Variants in GMEB1 observed in about 807,000 individuals in gnomAD.
GMEB1 encodes glucocorticoid modulatory element binding protein 1.
Under a neutral mutation model 52.4 loss-of-function variants are expected in GMEB1, and 6 were observed. The ratio of observed to expected loss-of-function variants is 0.11; its 90% CI spans 0.06 to 0.23. GMEB1 has a LOEUF of 0.23. Among genes scored for constraint, GMEB1 ranks in the 10% least tolerant of loss-of-function variants. GMEB1 has a pLI of 1.00. For missense variants in GMEB1, 486 were observed against 685.6 expected, an observed-to-expected ratio of 0.71 and a Z score of 3.25; for synonymous variants, 255 against 244.9, an observed-to-expected ratio of 1.04 and a Z score of -0.38.
At chr1:28,710,860 T>G (rs1483666046) in intron 9 of GMEB1, among the ~76,000 whole-genome samples, 1 of 152,064 alleles carries the variant, frequency 6.6e-6, no homozygotes, top group Non-Finnish European at 1.5e-5. Flanking sequence ...GTCCCCCTTC[T>G]GTGTCTTGTG....
chr1:28,678,890 G>GT lies in GMEB1; in HGVS notation c.-30-4685dup, dbSNP rs1260099234. Among the ~76,000 whole-genome samples the GT allele has an allele frequency of 4.0e-5, 6 of 150,822 alleles. No individual in the cohort carries two copies. The East Asian group carries it at 6.0e-4, about 15-fold the overall frequency. On this transcript the variant is annotated intron_variant, in intron 1 of 9. Transcript: ENST00000373816. ...CACGGTGCCTGGCCCTTTTCTAGTT[G>GT]TTTTTTTTGTTTGTTTGTTTTGTTT...
chr1:28,690,425 G>T (rs1332831054), intron 3 of GMEB1, among the ~76,000 whole-genome samples: 1 of 151,982 alleles, frequency 6.6e-6, no homozygotes, highest in Non-Finnish European at 1.5e-5. Flanking sequence ...TAACTGAAAA[G>T]ACTTTTTGTC....
Position 28,714,218 on chromosome 1 carries a change from T to A in GMEB1, c.1137T>A (p.Thr379=). Residue 379 remains threonine (T), a synonymous_variant, in exon 10 of 10, where the codon ACT becomes ACA. Transcript: ENST00000373816. ...RPRLQRPAST[T]VLSPSPPVQQ... Reference sequence around the variant, plus strand: ...GGCTCCAGCGGCCAGCCTCCACCACTGTCTTGAGCCCTTCTCCTCCTGTCC... The same window carrying A: ...GGCTCCAGCGGCCAGCCTCCACCACAGTCTTGAGCCCTTCTCCTCCTGTCC... 5.0e-6 allele frequency: 8 copies of A among 1,614,192 alleles called. No individual in the cohort carries two copies. The highest frequency in any genetic ancestry group is 6.8e-6 in the Non-Finnish European group (8 of 1,180,032).
chr1:28,707,717 T>C (rs1670847353), intron 8 of GMEB1, among the ~76,000 whole-genome samples: 1 of 152,058 alleles, frequency 6.6e-6, no homozygotes, highest in Admixed American at 6.6e-5. Context: ...AATAGAGATG[T>C]CACTCATCTA....
intron 1 of GMEB1, among the ~76,000 whole-genome samples, chr1:28,678,411 G>T (rs546954114): frequency 6.6e-6 from 1 of 151,032 alleles, no homozygotes; most frequent in Non-Finnish European, 1.5e-5. Context: ...TCTGGGGTTC[G>T]CCATTCTCCT....
At chr1:28,696,801 A>G in intron 5 of GMEB1, 126 bp from the exon 6 acceptor site, 1 of 653,528 alleles carries the variant, frequency 1.5e-6, no homozygotes, top group East Asian at 3.0e-5. Context: ...AATGACTTCT[A>G]ACACTATTAG....
intron 2 of GMEB1, among the ~76,000 whole-genome samples, chr1:28,687,536 G>A (rs572886732): frequency 6.6e-6 from 1 of 152,220 alleles, no homozygotes; most frequent in Non-Finnish European, 1.5e-5. Flanking sequence ...ATTGAAACCA[G>A]GGGCCAGATC....
intron 1 of GMEB1, among the ~76,000 whole-genome samples, chr1:28,677,598 A>G (rs1463106433): frequency 6.6e-6 from 1 of 152,236 alleles, no homozygotes; most frequent in African/African-American, 2.4e-5. Context: ...TAAATGTGTT[A>G]TAGCACGGTG....
chr1:28,693,342 C>T (rs1670050248), intron 5 of GMEB1, among the ~76,000 whole-genome samples: 2 of 147,188 alleles, frequency 1.4e-5, no homozygotes. Context: ...CTCAGCCTCC[C>T]GAGTAGCTGG....
At position 28,714,248 on chromosome 1, in the gene GMEB1, G is replaced by A. The variant is rs779840993; in HGVS notation, c.1167G>A (p.Gln389=). The stretch of plus-strand genomic sequence containing the variant: ...TGAGCCCTTCTCCTCCTGTCCAGCA[G>A]CCTCAGTTCACAGTCATCTCACCCA... ...TVLSPSPPVQ[Q]PQFTVISPIT... is the part of the protein sequence containing the mutation. Residue 389 remains glutamine, a synonymous_variant, in exon 10 of 10, where the codon CAG becomes CAA. Transcript: ENST00000373816. 24 of 1,614,036 alleles carry A rather than the reference G, an allele frequency of 1.5e-5. No homozygotes were observed. The highest frequency in any genetic ancestry group is 2.0e-5 in the Non-Finnish European group (24 of 1,180,020).
intron 2 of GMEB1, among the ~76,000 whole-genome samples, chr1:28,687,922 G>A (rs115405394): frequency 2.8e-4 from 42 of 152,134 alleles, no homozygotes; most frequent in Non-Finnish European, 5.1e-4. Context: ...TTTGAGGGTG[G>A]GTGGGAAAAG....
At chr1:28,705,649 C>T (rs1010305595) in intron 8 of GMEB1, among the ~76,000 whole-genome samples, 3 of 150,436 alleles carry the variant, frequency 2.0e-5, no homozygotes, top group Non-Finnish European at 4.4e-5. Context: ...TGAGGTTTCA[C>T]CATGTTGGCC....
At position 28,687,387 on chromosome 1, in the gene GMEB1, C is replaced by CACACACAA. The variant is rs1553136455; in HGVS notation, c.129-2716_129-2715insCACACAAA. Among the ~76,000 whole-genome samples, 4 of 41,130 alleles carry CACACACAA rather than the reference C, an allele frequency of 9.7e-5. 1 individual carries two copies. The highest frequency in any genetic ancestry group is 2.9e-4 in the African/African-American group (3 of 10,458). The allele number at this position is 41,130 out of a possible 152,430, so 27.0% of individuals were successfully genotyped here. A position where few individuals can be genotyped will look rare whatever the true frequency, so the allele number is the denominator to read the frequency against. ...ACACACACACACACACACACACACA[C>CACACACAA]AAAAAAAGACAGTGGAGAATAATGT... On this transcript the variant is annotated intron_variant, in intron 2 of 9. Transcript: ENST00000373816.
intron 3 of GMEB1, among the ~76,000 whole-genome samples, chr1:28,690,473 G>T (rs559019422): frequency 9.9e-5 from 15 of 152,022 alleles, no homozygotes; most frequent in Admixed American, 9.9e-4. Flanking sequence ...CCTCAAAGTT[G>T]ATCCCTGTCA....
Position 28,702,583 on chromosome 1 carries a change from G to A in GMEB1, c.730+14G>A, listed in dbSNP as rs1670568958. 1 of 1,610,684 alleles carries A rather than the reference G, an allele frequency of 6.2e-7. No homozygotes were observed. The highest frequency in any genetic ancestry group is 1.3e-5 in the African/African-American group (1 of 74,812). On this transcript the variant is annotated intron_variant, in intron 7 of 9. Coordinates refer to ENST00000373816, the MANE Select transcript of GMEB1 (RefSeq NM_001319674.2). ...AGGAAATTTCAGGTATTCTTCTATA[G>A]GGCTCAGATGTCTTGCAGGGTCTTG...
intron 5 of GMEB1, among the ~76,000 whole-genome samples, chr1:28,694,190 ATTTTT>A (rs569803893): frequency 7.3e-6 from 1 of 136,804 alleles, no homozygotes; most frequent in Non-Finnish European, 1.6e-5. Flanking sequence ...GTGTTGTAGG[ATTTTT>A]TTTTTTTTTT....
At chr1:28,694,401 A>G (rs973579506) in intron 5 of GMEB1, among the ~76,000 whole-genome samples, 5 of 150,778 alleles carry the variant, frequency 3.3e-5, no homozygotes, top group Admixed American at 6.6e-5. Context: ...TCATCATGTT[A>G]GCCAGGCTGG....
In GMEB1 at chr1:28,690,201, G is replaced by GTGT; in HGVS notation, c.211+17_211+19dup. 1.7e-6 allele frequency: 1 copy of GTGT among 582,842 alleles called. No homozygotes were observed. The highest frequency in any genetic ancestry group is 2.6e-6 in the Non-Finnish European group (1 of 390,802). 36.1% of individuals were successfully genotyped at this position (582,842 alleles called of 1,614,324 possible). A position where few individuals can be genotyped will look rare whatever the true frequency, so the allele number is the denominator to read the frequency against. On this transcript the variant is annotated intron_variant, in intron 3 of 9. Coordinates refer to ENST00000373816, the MANE Select transcript of GMEB1 (RefSeq NM_001319674.2). ...AGAAGGGATTGGTAAGGGTTTTTTT[G>GTGT]TGTTTTTTTTTTTTTTTTTTTTTGT...
At position 28,674,708 on chromosome 1, in the gene GMEB1, CTTTTTTTTTTTT is replaced by C. The variant is rs34267851; in HGVS notation, c.-31+5886_-31+5897del. On this transcript the variant is annotated intron_variant, in intron 1 of 9. Coordinates refer to ENST00000373816, the MANE Select transcript of GMEB1 (RefSeq NM_001319674.2). ...CCGTGCCCGGCCAGAATAGTTAATT[CTTTTTTTTTTTT>C]TTTTTTTTTTTTTTTTGAGACGGAG... 1.1e-3 allele frequency among the ~76,000 whole-genome samples: 52 copies of C among 49,136 alleles called. No individual in the cohort carries two copies. The South Asian group carries it at 0.042, about 40-fold the overall frequency. 32.2% of individuals were successfully genotyped at this position (49,136 alleles called of 152,430 possible). A position where few individuals can be genotyped will look rare whatever the true frequency, so the allele number is the denominator to read the frequency against.
Sources: allele counts gnomAD v4.1 joint callset (sites outside exome capture counted in the v4.1 genomes callset), GRCh38; gene constraint gnomAD v4.1.1; transcripts MANE v1.5; gene names NCBI Gene and HGNC (gene_info 2026-07-23, HGNC 2026-07-21).